KLF13: variants seen among roughly 807,000 people sequenced by gnomAD.
The protein encoded by KLF13 is KLF transcription factor 13.
In KLF13, 8 loss-of-function variants were observed where a neutral mutation model predicts 16.7. That is an observed-to-expected ratio of 0.48 (90% confidence interval 0.28 to 0.87). The LOEUF is 0.87. KLF13 is among the 40% of genes least tolerant of loss of function. The pLI is 0.10. For synonymous variants in KLF13, 245 were observed against 208.4 expected (o/e 1.18, Z -1.51); for missense variants, 447 against 452.2 (o/e 0.99, Z 0.10).
At chr15:31,403,556 G>A (rs1446078407) in exon 3 of KLF13, 1 of 152,224 alleles carries the variant, frequency 6.6e-6, no homozygotes, top group African/African-American at 2.4e-5. Flanking sequence ...TCTTCCTGCT[G>A]GCTGAAGTGT....
chr15:31,356,196 A>G lies in KLF13; in HGVS notation c.578-15814A>G, dbSNP rs1331243026. On this transcript the variant is annotated intron_variant, in intron 1 of 1. Coordinates refer to ENST00000307145, the MANE Select transcript of KLF13 (RefSeq NM_015995.4). Reference sequence around the variant, plus strand: ...CACCCTCCTCCCTCCCCGCTCAAGTAGGACCTGGTGTCTGCTGTTCCCTCT... The same window carrying G: ...CACCCTCCTCCCTCCCCGCTCAAGTGGGACCTGGTGTCTGCTGTTCCCTCT... Among the ~76,000 whole-genome samples, 2 of 152,166 alleles carry G rather than the reference A, an allele frequency of 1.3e-5. 1 individual carries two copies. Among genetic ancestry groups the G allele is most frequent in the Non-Finnish European group, 2.9e-5 (2 of 68,026 alleles).
chr15:31,359,528 C>T (rs967781780), intron 1 of KLF13, among the ~76,000 whole-genome samples: 2 of 152,218 alleles, frequency 1.3e-5, no homozygotes, highest in Non-Finnish European at 2.9e-5. Flanking sequence ...TGTGTACATA[C>T]ACCACTTTGT....
chr15:31,327,587 G>A lies in KLF13; in HGVS notation c.375G>A (p.Pro125=), dbSNP rs1039481985. The A allele has an allele frequency of 2.5e-6, 3 of 1,222,566 alleles. No individual in the cohort carries two copies. Among genetic ancestry groups the A allele is most frequent in the Non-Finnish European group, 3.1e-6 (3 of 970,946 alleles). 75.7% of individuals were successfully genotyped at this position (1,222,566 alleles called of 1,614,324 possible). ...AAPPSPAWSE[P]EPEAGLEPER... The stretch of plus-strand genomic sequence containing the variant: ...CCCCCAGCCCGGCGTGGAGCGAGCC[G>A]GAGCCCGAGGCGGGGCTGGAGCCCG... Residue 125 remains proline, a synonymous_variant, in exon 1 of 2, where the codon CCG becomes CCA. Transcript: ENST00000307145.
At chr15:31,345,844 TTTACCGGGGGCAAATGACCTTCTGGGG>T (rs2039106840) in intron 1 of KLF13, among the ~76,000 whole-genome samples, 4 of 152,118 alleles carry the variant, frequency 2.6e-5, no homozygotes, top group Non-Finnish European at 4.4e-5. Context: ...GCACCGTCAG[TTTACCGGGGGCAAATGACCTTCTGGGG>T]AGGGCTGCAA....
chr15:31,365,825 G>GC (rs2039459844), intron 1 of KLF13, among the ~76,000 whole-genome samples: 1 of 152,082 alleles, frequency 6.6e-6, no homozygotes, highest in Non-Finnish European at 1.5e-5. Flanking sequence ...AGAGGGGAGG[G>GC]CCTGGGACTT....
chr15:31,358,962 C>T (rs1294221281), intron 1 of KLF13, among the ~76,000 whole-genome samples: 4 of 152,200 alleles, frequency 2.6e-5, no homozygotes, highest in Non-Finnish European at 5.9e-5. Flanking sequence ...GTCACCCTAC[C>T]GTGCTCAGGG....
At position 31,347,079 on chromosome 15, in the gene KLF13, A is replaced by G. The variant is rs561238166; in HGVS notation, c.577+19290A>G. ...GGGCACGACACCGAGCCCAGCAGGT[A>G]GGAGGATTTGAGGACCTGTGAAGCT... On this transcript the variant is annotated intron_variant, in intron 1 of 1. Coordinates refer to ENST00000307145, the MANE Select transcript of KLF13 (RefSeq NM_015995.4). 3.9e-5 allele frequency among the ~76,000 whole-genome samples: 6 copies of G among 152,292 alleles called. No individual in the cohort carries two copies. The South Asian group carries it at 1.2e-3, about 32-fold the overall frequency.
intron 1 of KLF13, among the ~76,000 whole-genome samples, chr15:31,383,962 TA>T (rs1490486647): frequency 1.3e-5 from 2 of 152,086 alleles, no homozygotes; most frequent in African/African-American, 4.8e-5. Flanking sequence ...TCGAATAGCT[TA>T]AATGTCCAGG....
At chr15:31,419,953 T>G (rs1423767840) in intron 1 of KLF13, among the ~76,000 whole-genome samples, 2 of 152,198 alleles carry the variant, frequency 1.3e-5, no homozygotes, top group Admixed American at 1.3e-4. Flanking sequence ...AAAAGCCACT[T>G]GTATGTACAA....
downstream of KLF13, among the ~76,000 whole-genome samples, chr15:31,405,787 C>G (rs144338632): frequency 4.9e-4 from 75 of 152,300 alleles, 2 homozygotes; most frequent in African/African-American, 1.8e-3. Context: ...TGGCAGCTAT[C>G]TGTATGCATA....
At chr15:31,393,422 G>A (rs1374288401) in intron 1 of KLF13, among the ~76,000 whole-genome samples, 1 of 11,982 alleles carries the variant, frequency 8.3e-5, no homozygotes, top group African/African-American at 3.0e-4. Flanking sequence ...CCCCCGGCCC[G>A]TCCCCCCCCC....
downstream of KLF13, among the ~76,000 whole-genome samples, chr15:31,409,441 T>C (rs1162234003): frequency 6.6e-6 from 1 of 151,480 alleles, no homozygotes; most frequent in Non-Finnish European, 1.5e-5. Flanking sequence ...GGCTGGGAAT[T>C]TTTCCAAAAA....
intron 1 of KLF13, among the ~76,000 whole-genome samples, chr15:31,414,009 T>A (rs1179154863): frequency 6.6e-6 from 1 of 152,036 alleles, no homozygotes; most frequent in Non-Finnish European, 1.5e-5. Flanking sequence ...GCTAAGAAAA[T>A]GATTATAACA....
chr15:31,357,526 C>A (rs965339263), intron 1 of KLF13, among the ~76,000 whole-genome samples: 2 of 152,208 alleles, frequency 1.3e-5, no homozygotes, highest in African/African-American at 4.8e-5. Flanking sequence ...GTGTTCTGCT[C>A]CTGCCTGGGG....
intron 2 of KLF13, among the ~76,000 whole-genome samples, chr15:31,398,179 C>T (rs117962779): frequency 0.016 from 2,463 of 152,258 alleles, 34 homozygotes; most frequent in Non-Finnish European, 0.026. Context: ...CCTGCTCGGG[C>T]GGGGCCTTAA....
intron 1 of KLF13, among the ~76,000 whole-genome samples, chr15:31,354,254 C>T (rs528389599): frequency 2.0e-5 from 3 of 152,332 alleles, no homozygotes; most frequent in South Asian, 2.1e-4. Flanking sequence ...AACCCCAAAC[C>T]GTGGTGTGCT....
intron 1 of KLF13, chr15:31,420,682 T>C (rs796147589): frequency 9.5e-6 from 3 of 317,262 alleles, no homozygotes; most frequent in African/African-American, 4.5e-5. Flanking sequence ...CAGACTGTCC[T>C]TTTTTTTTCT....
downstream of KLF13, among the ~76,000 whole-genome samples, chr15:31,407,720 G>A (rs768201264): frequency 3.3e-5 from 5 of 152,026 alleles, no homozygotes; most frequent in South Asian, 6.2e-4. Context: ...TCCATACCAG[G>A]AACTCAAAGA....
At chr15:31,349,815 A>G (rs2039187755) in intron 1 of KLF13, among the ~76,000 whole-genome samples, 1 of 152,172 alleles carries the variant, frequency 6.6e-6, no homozygotes, top group South Asian at 2.1e-4. Flanking sequence ...GAGGGGGTTC[A>G]CAGCTTCCAG....
Sources: allele counts gnomAD v4.1 joint callset (sites outside exome capture counted in the v4.1 genomes callset), GRCh38; gene constraint gnomAD v4.1.1; transcripts MANE v1.5; gene names NCBI Gene and HGNC (gene_info 2026-07-23, HGNC 2026-07-21).